Variants in GC observed in about 807,000 individuals in gnomAD.
GC encodes the protein GC vitamin D binding protein, also known as vitamin D-binding protein.
In GC, 43 loss-of-function variants were observed where a neutral mutation model predicts 56.7. The ratio of observed to expected loss-of-function variants is 0.76; its 90% CI spans 0.59 to 0.98. GC has a LOEUF of 0.98. GC is among the 50% of genes least tolerant of loss of function. The pLI is 0.00. For synonymous variants in GC, 216 were observed against 202.7 expected, an observed-to-expected ratio of 1.07 and a Z score of -0.56; for missense variants, 529 against 545.9, an observed-to-expected ratio of 0.97 and a Z score of 0.31.
rs1742542855 is a variant in GC at position 71,777,434 on chromosome 4, TG to T, written c.58+6526del. Among the ~76,000 whole-genome samples the T allele has an allele frequency of 3.3e-5, 5 of 151,596 alleles. No individual in the cohort carries two copies. In the South Asian group the frequency reaches 1.0e-3, roughly 31 times the overall value. ...TTTGCAGTATCATGTAGATGGAAAA[TG>T]GAATGCCAATGTTTTCTATAGGATA... On this transcript the variant is annotated intron_variant, in intron 1 of 12. Transcript: ENST00000273951.
intron 12 of GC, among the ~76,000 whole-genome samples, chr4:71,745,873 C>T (rs183398214): frequency 6.6e-6 from 1 of 152,120 alleles, no homozygotes; most frequent in Admixed American, 6.5e-5. Flanking sequence ...TTTAAATGTT[C>T]TTTACGGTAT....
At position 71,783,949 on chromosome 4, in the gene GC, A is replaced by G; in HGVS notation, c.58+12T>C. 6.3e-7 allele frequency: 1 copy of G among 1,578,882 alleles called. No homozygotes were observed. The highest frequency in any genetic ancestry group is 8.6e-7 in the Non-Finnish European group (1 of 1,163,818). On this transcript the variant is annotated intron_variant, in intron 1 of 12. Transcript: ENST00000273951. ...GAATTCCTGTAAATGGTCACAACAA[A>G]AGAAATCTTACCTCTCTCTAAAGCA...
intron 1 of GC, among the ~76,000 whole-genome samples, chr4:71,799,822 T>C (rs1032181555): frequency 2.0e-5 from 3 of 152,098 alleles, no homozygotes; most frequent in East Asian, 1.9e-4. Context: ...GATAGATTCA[T>C]TGGAGATGTA....
chr4:71,787,183 A>G (rs1742861106), upstream of GC, among the ~76,000 whole-genome samples: 3 of 151,912 alleles, frequency 2.0e-5, no homozygotes. Context: ...ATTTATCAAA[A>G]ATGCAAATAA....
intron 1 of GC, among the ~76,000 whole-genome samples, chr4:71,777,348 C>G (rs1742538598): frequency 6.6e-6 from 1 of 151,592 alleles, no homozygotes; most frequent in Non-Finnish European, 1.5e-5. Flanking sequence ...GCTTTTATAG[C>G]ACTTCATTTG....
chr4:71,799,821 A>G (rs538255572), intron 1 of GC, among the ~76,000 whole-genome samples: 1 of 152,188 alleles, frequency 6.6e-6, no homozygotes, highest in African/African-American at 2.4e-5. Flanking sequence ...TGATAGATTC[A>G]TTGGAGATGT....
intron 1 of GC, among the ~76,000 whole-genome samples, chr4:71,789,442 G>A (rs142129277): frequency 6.6e-6 from 1 of 151,994 alleles, no homozygotes; most frequent in African/African-American, 2.4e-5. Flanking sequence ...CTGGCAATCT[G>A]AATAAATAAA....
In GC at chr4:71,784,060, G is replaced by T. The variant is rs745345236; in HGVS notation, c.-42C>A. 6.3e-7 allele frequency: 1 copy of T among 1,582,512 alleles called. No homozygotes were observed. Among genetic ancestry groups the T allele is most frequent in the Non-Finnish European group, 8.6e-7 (1 of 1,164,748 alleles). On this transcript the variant is annotated 5_prime_UTR_variant, in exon 1 of 13. Transcript: ENST00000273951. ...CTTGCAGCACCTCCTCTCTCCTGTAGGTGACCATGTAAAAGTGGTAGCCAA... is the reference window on the plus strand; with the variant it reads ...CTTGCAGCACCTCCTCTCTCCTGTATGTGACCATGTAAAAGTGGTAGCCAA...
intron 1 of GC, among the ~76,000 whole-genome samples, chr4:71,769,975 G>A (rs911785490): frequency 6.6e-6 from 1 of 152,194 alleles, no homozygotes; most frequent in Non-Finnish European, 1.5e-5. Context: ...GGAAGGCTAG[G>A]AATTCAGCTG....
chr4:71,768,226 C>T (rs1742219541), intron 3 of GC, 75 bp downstream of exon 3: 3 of 1,300,812 alleles, frequency 2.3e-6, no homozygotes, highest in African/African-American at 3.0e-5. Context: ...AAAATTTTTT[C>T]AACACGTGGT....
At position 71,754,431 on chromosome 4, in the gene GC, T is replaced by A; in HGVS notation, c.1242A>T (p.Thr414=). The change falls in exon 10 of 13, where the codon ACA becomes ACT. Residue 414 remains threonine, a synonymous_variant. Coordinates refer to ENST00000273951, the MANE Select transcript of GC (RefSeq NM_000583.4). The part of the protein sequence containing the change: ...QELCADYSEN[T]FTEYKKKLAE... ...CTTACTTTTTCTTGTACTCAGTAAA[T>A]GTATTTTCTGAATAATCTGCACATA... The A allele has an allele frequency of 6.4e-7, 1 of 1,551,972 alleles. No individual in the cohort carries two copies. The highest frequency in any genetic ancestry group is 8.9e-7 in the Non-Finnish European group (1 of 1,125,902).
chr4:71,774,246 T>C, intron 1 of GC, among the ~76,000 whole-genome samples: 1 of 151,998 alleles, frequency 6.6e-6, no homozygotes, highest in East Asian at 1.9e-4. Flanking sequence ...ACTTTGAAAA[T>C]TCAAACACAA....
At chr4:71,803,785 C>T (rs1743302707) in intron 1 of GC, 1 of 655,874 alleles carries the variant, frequency 1.5e-6, no homozygotes, top group South Asian at 1.7e-5. Context: ...AAATCACTTT[C>T]TTATATTTTT....
intron 1 of GC, chr4:71,769,718 T>G (rs1357885203): frequency 5.5e-6 from 1 of 181,282 alleles, no homozygotes; most frequent in African/African-American, 2.4e-5. Flanking sequence ...AGGTCCTATC[T>G]TTATAATGAT....
intron 1 of GC, among the ~76,000 whole-genome samples, chr4:71,797,609 C>T (rs562186222): frequency 5.0e-4 from 76 of 152,204 alleles, no homozygotes; most frequent in African/African-American, 1.2e-3. Flanking sequence ...GGAAATTCCC[C>T]GACCCCTTGC....
intron 1 of GC, among the ~76,000 whole-genome samples, chr4:71,794,322 C>T (rs1047853496): frequency 4.6e-5 from 7 of 152,166 alleles, no homozygotes; most frequent in African/African-American, 1.7e-4. Flanking sequence ...TAATTATTGC[C>T]TCAATTTCAG....
At chr4:71,774,544 A>G (rs1450331691) in intron 1 of GC, among the ~76,000 whole-genome samples, 3 of 151,952 alleles carry the variant, frequency 2.0e-5, no homozygotes, top group Non-Finnish European at 4.4e-5. Flanking sequence ...GGGATGGGTA[A>G]AGGTGATATC....
intron 1 of GC, among the ~76,000 whole-genome samples, chr4:71,800,132 A>G (rs1042071307): frequency 8.6e-5 from 13 of 150,912 alleles, no homozygotes; most frequent in African/African-American, 2.7e-4. Context: ...GGTTTGTTAT[A>G]TAGGTAAATG....
chr4:71,757,765 A>T (rs1186280850), intron 7 of GC, among the ~76,000 whole-genome samples: 1 of 152,230 alleles, frequency 6.6e-6, no homozygotes, highest in Non-Finnish European at 1.5e-5. Context: ...AATACCATAC[A>T]GTGCAAGTAG....
Sources: gnomAD v4.1 joint callset for allele counts (sites outside exome capture counted in the v4.1 genomes callset) on GRCh38, gnomAD v4.1.1 for gene constraint, MANE v1.5 for transcripts, NCBI Gene and HGNC (gene_info 2026-07-23, HGNC 2026-07-21) for gene names.